Variants in PRKDC observed in about 807,000 individuals in gnomAD.
PRKDC encodes DNA-dependent protein kinase catalytic subunit.
PRKDC carries 82 observed loss-of-function variants against 486.9 expected under a neutral mutation model. That is an observed-to-expected ratio of 0.17 (90% CI 0.14 to 0.20). PRKDC has a LOEUF of 0.20. PRKDC is among the 10% of genes least tolerant of loss of function. The pLI is 1.00. For missense variants in PRKDC, 4,504 were observed against 5,038.2 expected (o/e 0.89, Z 3.21); for synonymous variants, 1,895 against 1,837.0 (o/e 1.03, Z -0.81).
chr8:47,916,276 C>CG (rs2089980703), intron 22 of PRKDC, among the ~76,000 whole-genome samples: 1 of 151,804 alleles, frequency 6.6e-6, no homozygotes, highest in Non-Finnish European at 1.5e-5. Context: ...GGTGAAAGCC[C>CG]GTCTCTACTA....
chr8:47,892,528 G>A (rs934483493), intron 31 of PRKDC, among the ~76,000 whole-genome samples: 3 of 151,974 alleles, frequency 2.0e-5, no homozygotes, highest in African/African-American at 4.8e-5. Flanking sequence ...ATAGTGTCTC[G>A]CCGTGTTGCC....
At chr8:47,844,403 C>A (rs2088219976) in intron 54 of PRKDC, among the ~76,000 whole-genome samples, 1 of 152,150 alleles carries the variant, frequency 6.6e-6, no homozygotes, top group African/African-American at 2.4e-5. Flanking sequence ...AAAATAAGTT[C>A]TTTTAGATCT....
At chr8:47,854,053 G>A (rs2088478303) in intron 51 of PRKDC, 30 bp downstream of exon 51, 6 of 1,611,750 alleles carry the variant, frequency 3.7e-6, no homozygotes, top group Non-Finnish European at 5.1e-6. Context: ...GGGTAGACGT[G>A]ACCTAAAAAA....
intron 26 of PRKDC, among the ~76,000 whole-genome samples, chr8:47,903,298 A>T (rs2089720036): frequency 6.6e-6 from 1 of 152,234 alleles, no homozygotes; most frequent in Non-Finnish European, 1.5e-5. Flanking sequence ...TGCCGAAAAC[A>T]GCTATGGACA....
chr8:47,819,584 T>A, intron 66 of PRKDC, 74 bp from the exon 67 acceptor site: 1 of 713,848 alleles, frequency 1.4e-6, no homozygotes, highest in Non-Finnish European at 2.2e-6. Context: ...TGACTTTAAG[T>A]TTTTAACAGT....
At chr8:47,814,375 C>G (rs2087397763) in intron 68 of PRKDC, among the ~76,000 whole-genome samples, 1 of 151,984 alleles carries the variant, frequency 6.6e-6, no homozygotes, top group Admixed American at 6.6e-5. Context: ...TTTAACAAAG[C>G]AGGAAAATGA....
intron 17 of PRKDC, 57 bp downstream of exon 17, chr8:47,930,615 A>G: frequency 6.8e-7 from 1 of 1,473,358 alleles, no homozygotes; most frequent in Non-Finnish European, 9.2e-7. Context: ...TTCCTATATT[A>G]CAGCCAATAA....
At chr8:47,905,106 C>G in intron 25 of PRKDC, 130 bp from the exon 26 acceptor site, 2 of 646,440 alleles carry the variant, frequency 3.1e-6, no homozygotes, top group East Asian at 5.9e-5. Context: ...TATTAGTTTC[C>G]TTTTTTAGTT....
intron 3 of PRKDC, among the ~76,000 whole-genome samples, 194 bp downstream of exon 3, chr8:47,956,977 C>CAAAAAAAAAAAAAA: frequency 8.7e-5 from 1 of 11,464 alleles, no homozygotes; most frequent in Non-Finnish European, 2.1e-4. Context: ...AACTCCTTCT[C>CAAAAAAAAAAAAAA]CAAAAAAAAA....
At position 47,820,150 on chromosome 8, in the gene PRKDC, C is replaced by T. The variant is rs1017743881; in HGVS notation, c.9336+569G>A. 3.9e-4 allele frequency among the ~76,000 whole-genome samples: 60 copies of T among 152,160 alleles called. 1 individual carries two copies. Among genetic ancestry groups the T allele is most frequent in the Admixed American group, 1.7e-3 (26 of 15,272 alleles). On this transcript the variant is annotated intron_variant, in intron 66 of 85. Transcript: ENST00000314191. ...ACTCTTGGTCAGGAGCGTTGGCTCA[C>T]GTCTGTAATCCCAGCACTTTGGGAG...
In PRKDC at chr8:47,789,244, T is replaced by G. The variant is rs1321517725; in HGVS notation, c.10671-6A>C. 6.5e-7 allele frequency: 1 copy of G among 1,542,744 alleles called. No individual in the cohort carries two copies. Among genetic ancestry groups the G allele is most frequent in the Admixed American group, 2.1e-5 (1 of 48,016 alleles). ...GATCCAACTTACTTTTAATCCTATT[T>G]AAAAAAATTTACAAAGTTTAGGCAA... On this transcript the variant is annotated splice_region_variant and splice_polypyrimidine_tract_variant and intron_variant, in intron 74 of 85. Coordinates refer to ENST00000314191, the MANE Select transcript of PRKDC (RefSeq NM_006904.7).
At position 47,933,170 on chromosome 8, in the gene PRKDC, A is replaced by C. The variant is rs764094669; in HGVS notation, c.1626T>G (p.Asp542Glu). 6.7e-7 allele frequency: 1 copy of C among 1,493,966 alleles called. No homozygotes were observed. The highest frequency in any genetic ancestry group is 2.0e-4 in the Middle Eastern group (1 of 4,942). 92.5% of individuals were successfully genotyped at this position (1,493,966 alleles called of 1,614,324 possible). ...RHLLSSDQMM[D>E]SILADEAFFS... The stretch of plus-strand genomic sequence containing the variant: ...AAAATGCTTCATCTGCTAAAATAGA[A>C]TCCTTTAAATAAAGAAAAACAATAA... The change falls in exon 16 of 86, where the codon GAT (aspartate) becomes GAG (glutamate). Residue 542 changes from aspartate to glutamate, a missense_variant and splice_region_variant. Coordinates refer to ENST00000314191, the MANE Select transcript of PRKDC (RefSeq NM_006904.7).
intron 19 of PRKDC, 75 bp from the exon 20 acceptor site, chr8:47,927,965 C>G (rs563542265): frequency 4.7e-6 from 6 of 1,274,390 alleles, no homozygotes; most frequent in Non-Finnish European, 6.0e-6. Flanking sequence ...AGTATTTGCC[C>G]TATTCTCAAA....
At position 47,893,132 on chromosome 8, in the gene PRKDC, G is replaced by T; in HGVS notation, c.3847+7C>A. Reference sequence around the variant, plus strand: ...ACACACACCAGAATAAGGCAAGGGTGACCTACCTAGGACCTGGAGCGCTCC... The same window carrying T: ...ACACACACCAGAATAAGGCAAGGGTTACCTACCTAGGACCTGGAGCGCTCC... On this transcript the variant is annotated splice_region_variant and intron_variant, in intron 31 of 85. Coordinates refer to ENST00000314191, the MANE Select transcript of PRKDC (RefSeq NM_006904.7). 4 of 1,583,124 alleles carry T rather than the reference G, an allele frequency of 2.5e-6. No individual in the cohort carries two copies. The South Asian group carries it at 3.4e-5, about 13-fold the overall frequency.
chr8:47,863,241 C>T (rs139693655), intron 42 of PRKDC, among the ~76,000 whole-genome samples, 158 bp downstream of exon 42: 22 of 152,258 alleles, frequency 1.4e-4, no homozygotes, highest in Middle Eastern at 3.4e-3. Flanking sequence ...CCTAAATTAA[C>T]GCCCTAATTA....
rs1432072461 is a variant in PRKDC, at chr8:47,808,788, C to T, written c.9558-1462G>A. ...ATCAAGTAAATTTCTGTTGTTTTTC[C>T]AGGAACTCATTTCCAATTTCTTAGA... On this transcript the variant is annotated intron_variant, in intron 68 of 85. Coordinates refer to ENST00000314191, the MANE Select transcript of PRKDC (RefSeq NM_006904.7). Among the ~76,000 whole-genome samples the T allele has an allele frequency of 3.9e-5, 6 of 152,126 alleles. No individual in the cohort carries two copies. The East Asian group carries it at 1.2e-3, about 29-fold the overall frequency.
intron 74 of PRKDC, among the ~76,000 whole-genome samples, chr8:47,791,420 A>T (rs934912283): frequency 6.6e-6 from 1 of 152,192 alleles, no homozygotes; most frequent in Non-Finnish European, 1.5e-5. Context: ...GGTTGCAGTG[A>T]GCAGAGATTG....
chr8:47,944,170 A>G, intron 7 of PRKDC, 141 bp from the exon 8 acceptor site: 1 of 765,946 alleles, frequency 1.3e-6, no homozygotes, highest in Non-Finnish European at 2.2e-6. Context: ...CCATCCAGCT[A>G]AAGTTGCAAG....
rs370050708 is a variant in PRKDC at position 47,799,263 on chromosome 8, G to A, written c.10244C>T (p.Thr3415Met). Reference sequence around the variant, plus strand: ...CTGTTGGTCACAGAAATCTGCCAGCGTCATGTAAGCATCAATCACCCCAGC... The same window carrying A: ...CTGTTGGTCACAGAAATCTGCCAGCATCATGTAAGCATCAATCACCCCAGC... ...PAAGVIDAYM[T>M]LADFCDQQLR... Residue 3415 changes from threonine to methionine, a missense_variant, in exon 72 of 86, where the codon ACG becomes ATG. Thr to Met is a moderately conservative substitution (Grantham distance 81). Transcript: ENST00000314191. 5.3e-5 allele frequency: 86 copies of A among 1,613,758 alleles called. No individual in the cohort carries two copies. Among genetic ancestry groups the A allele is most frequent in the African/African-American group, 3.9e-4 (29 of 74,998 alleles).
Sources: allele counts gnomAD v4.1 joint callset (sites outside exome capture counted in the v4.1 genomes callset), GRCh38; gene constraint gnomAD v4.1.1; transcripts MANE v1.5; gene names NCBI Gene and HGNC (gene_info 2026-07-23, HGNC 2026-07-21).